ADGRL2: variants seen among roughly 807,000 people sequenced by gnomAD.
The protein encoded by ADGRL2 is calcium-independent alpha-latrotoxin receptor 2.
Under a neutral mutation model 157.4 loss-of-function variants are expected in ADGRL2, and 44 were observed. The observed-to-expected ratio is 0.28, with a 90% CI of 0.22 to 0.36. ADGRL2 has a LOEUF of 0.36. Among genes scored for constraint, ADGRL2 ranks in the 10% least tolerant of loss-of-function variants. The probability of loss-of-function intolerance (pLI) is 1.00; values close to 1 mark genes in which losing one functional copy is unlikely to be tolerated. For missense variants in ADGRL2, 1,510 were observed against 1,768.9 expected, an observed-to-expected ratio of 0.85 and a Z score of 2.63; for synonymous variants, 585 against 624.7, an observed-to-expected ratio of 0.94 and a Z score of 0.95.
intron 3 of ADGRL2, among the ~76,000 whole-genome samples, chr1:81,918,759 CAT>C (rs1557910802): frequency 6.6e-6 from 1 of 152,116 alleles, no homozygotes; most frequent in African/African-American, 2.4e-5. Flanking sequence ...AAGAGACACT[CAT>C]AGACTATGTC....
At chr1:81,653,148 T>TAGTA (rs1360271668) in intron 3 of ADGRL2, among the ~76,000 whole-genome samples, 1 of 152,094 alleles carries the variant, frequency 6.6e-6, no homozygotes, top group Non-Finnish European at 1.5e-5. Context: ...ACTTTATAAG[T>TAGTA]AGTAGGGTAT....
intron 2 of ADGRL2, among the ~76,000 whole-genome samples, chr1:81,551,430 A>C (rs2080143213): frequency 6.6e-6 from 1 of 152,192 alleles, no homozygotes; most frequent in Non-Finnish European, 1.5e-5. Context: ...TGGATTCTGA[A>C]TGTTAGCTGT....
chr1:81,974,605 A>C (rs981693741), intron 17 of ADGRL2, among the ~76,000 whole-genome samples: 15 of 152,270 alleles, frequency 9.9e-5, no homozygotes, highest in African/African-American at 3.1e-4. Context: ...TGCACAGTTC[A>C]GCTAGGTTAC....
intron 2 of ADGRL2, among the ~76,000 whole-genome samples, chr1:81,472,953 GTGTC>G (rs1008276704): frequency 3.9e-5 from 6 of 152,282 alleles, no homozygotes; most frequent in African/African-American, 7.2e-5. Flanking sequence ...GAGAGCAAAA[GTGTC>G]TGTCTGAGAA....
chr1:81,355,116 G>T (rs185356670), intron 1 of ADGRL2, among the ~76,000 whole-genome samples: 1 of 152,014 alleles, frequency 6.6e-6, no homozygotes, highest in Non-Finnish European at 1.5e-5. Context: ...TATGTCTTAC[G>T]CATTTCAAGT....
intron 2 of ADGRL2, among the ~76,000 whole-genome samples, chr1:81,571,886 C>T (rs962838805): frequency 1.3e-5 from 2 of 152,094 alleles, no homozygotes; most frequent in Non-Finnish European, 2.9e-5. Flanking sequence ...CCACATGCTC[C>T]GCACCCCCCA....
intron 2 of ADGRL2, among the ~76,000 whole-genome samples, chr1:81,885,431 A>C (rs1451608047): frequency 6.6e-6 from 1 of 152,220 alleles, no homozygotes; most frequent in Non-Finnish European, 1.5e-5. Flanking sequence ...CACAGCTGCT[A>C]AGGCCTGCCA....
At chr1:81,423,049 T>C (rs2077153985) in intron 1 of ADGRL2, among the ~76,000 whole-genome samples, 1 of 152,182 alleles carries the variant, frequency 6.6e-6, no homozygotes, top group Non-Finnish European at 1.5e-5. Context: ...TGAGACCAAC[T>C]TGCAAATATA....
At chr1:81,446,605 A>G (rs1421808050) in intron 2 of ADGRL2, among the ~76,000 whole-genome samples, 1 of 152,200 alleles carries the variant, frequency 6.6e-6, no homozygotes, top group Non-Finnish European at 1.5e-5. Context: ...TTCTTTCAGG[A>G]GTAAGGTAAC....
At chr1:81,787,506 T>G (rs1237711005) in intron 2 of ADGRL2, among the ~76,000 whole-genome samples, 1 of 151,732 alleles carries the variant, frequency 6.6e-6, no homozygotes, top group African/African-American at 2.4e-5. Flanking sequence ...AATACAAAAA[T>G]TAGCCGGGTG....
intron 2 of ADGRL2, among the ~76,000 whole-genome samples, chr1:81,848,840 A>T (rs541108873): frequency 4.0e-4 from 61 of 152,102 alleles, no homozygotes; most frequent in African/African-American, 1.4e-3. Context: ...TGTAACAATT[A>T]TAACAAGAAT....
At position 81,991,161 on chromosome 1, in the gene ADGRL2, A is replaced by T; in HGVS notation, c.*16A>T. 6.3e-7 allele frequency: 1 copy of T among 1,585,368 alleles called. No homozygotes were observed. The highest frequency in any genetic ancestry group is 8.6e-7 in the Non-Finnish European group (1 of 1,163,448). ...AAGTCTTTAATCATACAGCTAAGGA[A>T]TTCCAAGGGCCACATGCGAGTATTA... On this transcript the variant is annotated 3_prime_UTR_variant, in exon 24 of 24. Transcript: ENST00000686636.
At chr1:81,734,862 T>C (rs1377848010) in intron 1 of ADGRL2, among the ~76,000 whole-genome samples, 8 of 146,194 alleles carry the variant, frequency 5.5e-5, no homozygotes, top group Non-Finnish European at 9.2e-5. Context: ...GGAGAAACCC[T>C]GTCTCTACTA....
At chr1:81,374,324 C>T (rs142528533) in intron 1 of ADGRL2, among the ~76,000 whole-genome samples, 18,218 of 152,096 alleles carry the variant, frequency 0.12, 1,238 homozygotes, top group African/African-American at 0.16. Context: ...TAAATCCCAG[C>T]ACTTTGGGAG....
At chr1:81,663,756 T>C (rs1227408033) in intron 3 of ADGRL2, among the ~76,000 whole-genome samples, 1 of 152,204 alleles carries the variant, frequency 6.6e-6, no homozygotes, top group African/African-American at 2.4e-5. Flanking sequence ...GTCCAGGCAT[T>C]TGCTGGTCAT....
intron 20 of ADGRL2, 113 bp downstream of exon 20, chr1:81,984,824 A>G (rs184140961): frequency 8.4e-7 from 1 of 1,194,044 alleles, no homozygotes; most frequent in African/African-American, 1.5e-5. Flanking sequence ...CTAGATAGCA[A>G]ATACTTGCTT....
At chr1:81,604,188 C>T (rs1184249630) in intron 3 of ADGRL2, among the ~76,000 whole-genome samples, 3 of 152,098 alleles carry the variant, frequency 2.0e-5, no homozygotes, top group African/African-American at 7.2e-5. Flanking sequence ...TGGTTTCGAA[C>T]GCCTGACCTC....
intron 1 of ADGRL2, among the ~76,000 whole-genome samples, chr1:81,830,097 T>G (rs1571505151): frequency 6.6e-6 from 1 of 152,352 alleles, no homozygotes; most frequent in East Asian, 1.9e-4. Context: ...ATTTTGGATC[T>G]TGGTCATTTT....
chr1:81,356,971 A>AAAAAGAAGAAG (rs80327519), intron 1 of ADGRL2, among the ~76,000 whole-genome samples: 2 of 99,306 alleles, frequency 2.0e-5, no homozygotes, highest in African/African-American at 3.2e-5. Context: ...AAAAAAAAAA[A>AAAAAGAAGAAG]AAGAAGTTGT....
Sources: allele counts gnomAD v4.1 joint callset (sites outside exome capture counted in the v4.1 genomes callset), GRCh38; gene constraint gnomAD v4.1.1; transcripts MANE v1.5; gene names NCBI Gene and HGNC (gene_info 2026-07-23, HGNC 2026-07-21).